The following DNMT1 variants were observed in gnomAD, a reference collection of about 807,000 sequenced individuals.
DNMT1 encodes the protein DNA (cytosine-5)-methyltransferase 1.
Under a neutral mutation model 205.3 loss-of-function variants are expected in DNMT1, and 24 were observed. The ratio of observed to expected loss-of-function variants is 0.12; its 90% CI spans 0.08 to 0.16. DNMT1 has a LOEUF of 0.16. Ranked by LOEUF, DNMT1 falls within the 10% of genes least tolerant of loss-of-function variation. DNMT1 has a pLI of 1.00. For synonymous variants in DNMT1, 817 were observed against 839.8 expected (o/e 0.97, Z 0.47); for missense variants, 1,293 against 2,177.7 (o/e 0.59, Z 8.09).
intron 27 of DNMT1, among the ~76,000 whole-genome samples, chr19:10,148,267 C>T (rs536436713): frequency 4.7e-4 from 71 of 151,296 alleles, no homozygotes; most frequent in African/African-American, 1.1e-3. Flanking sequence ...GAGGCCAAGG[C>T]GGGCAGATCA....
intron 29 of DNMT1, among the ~76,000 whole-genome samples, chr19:10,143,383 T>TA (rs1568225902): frequency 1.2e-4 from 18 of 144,294 alleles, no homozygotes; most frequent in African/African-American, 4.4e-4. Context: ...GCCCAGCTAG[T>TA]CTTTTTTTTT....
Position 10,140,089 on chromosome 19 carries a change from T to A in DNMT1, c.3763A>T (p.Thr1255Ser). 6.2e-7 allele frequency: 1 copy of A among 1,613,462 alleles called. No homozygotes were observed. The highest frequency in any genetic ancestry group is 8.5e-7 in the Non-Finnish European group (1 of 1,180,022). ...AGAGAGTTTTTGAACTTGGAGTAGG[T>A]GCGCGAATTGAAGCGGTTCATGCCG... ...FSGMNRFNSR[T>S]YSKFKNSLVV... The change falls in exon 33 of 41, where the codon ACC (threonine) becomes TCC (serine). Residue 1255 changes from threonine (T) to serine (S), a missense_variant. Thr to Ser is a moderately conservative substitution (Grantham distance 58). Around this residue, in one of 13 missense-constraint regions of DNMT1, gnomAD observed 38 missense variants for 141.1 expected, o/e 0.27. Coordinates refer to ENST00000359526, the MANE Select transcript of DNMT1 (RefSeq NM_001130823.3). The surrounding 1 kb of genome is among the most constrained non-coding windows in gnomAD (Gnocchi z 8.4).
At chr19:10,144,981 G>A (rs2038167864) in intron 28 of DNMT1, among the ~76,000 whole-genome samples, 1 of 152,186 alleles carries the variant, frequency 6.6e-6, no homozygotes, top group African/African-American at 2.4e-5. Context: ...TGACAGGCAT[G>A]AGCCACCGCA....
chr19:10,151,424 T>G lies in DNMT1; in HGVS notation c.2239A>C (p.Ile747Leu). The change falls in exon 24 of 41, where the codon ATC becomes CTC. Residue 747 changes from isoleucine (I) to leucine (L), a missense_variant. This residue lies in a region of DNMT1 where 197 missense variants were observed against 353.6 expected (regional missense o/e 0.56). Transcript: ENST00000359526. This position sits in a 1 kb window ranked among gnomAD's most constrained non-coding sequence, Gnocchi z 5.0. The stretch of plus-strand genomic sequence containing the variant: ...TTGACGGCTTCTCCGACCCAAGAGA[T>G]GCGATTCTTGTTCTGTTTCTTCTTC... ...GKKKKQNKNR[I>L]SWVGEAVKTD... The G allele has an allele frequency of 1.2e-6, 2 of 1,614,002 alleles. No homozygotes were observed. Among genetic ancestry groups the G allele is most frequent in the Non-Finnish European group, 1.7e-6 (2 of 1,180,008 alleles).
Position 10,140,132 on chromosome 19 carries a change from C to T in DNMT1, c.3720G>A (p.Pro1240=), listed in dbSNP as rs1357804192. 1.6e-5 allele frequency: 26 copies of T among 1,613,772 alleles called. No individual in the cohort carries two copies. Among genetic ancestry groups the T allele is most frequent in the Admixed American group, 3.3e-5 (2 of 60,002 alleles). ...KGDVEMLCGG[P]PCQGFSGMNR... ...TCATGCCGCTGAAGCCCTGGCAGGG[C>T]GGCCCGCCGCACAGCATCTCCACGT... Residue 1240 remains proline (P), a synonymous_variant, in exon 33 of 41, where the codon CCG becomes CCA. Transcript: ENST00000359526. This position sits in a 1 kb window ranked among gnomAD's most constrained non-coding sequence, Gnocchi z 8.4.
At chr19:10,187,055 C>G (rs2039199178) in intron 1 of DNMT1, among the ~76,000 whole-genome samples, 1 of 151,724 alleles carries the variant, frequency 6.6e-6, no homozygotes, top group African/African-American at 2.4e-5. Context: ...TGAGACTGGC[C>G]ACATACAGGG....
chr19:10,165,613 A>G (rs1225166624), intron 11 of DNMT1, among the ~76,000 whole-genome samples: 2 of 151,912 alleles, frequency 1.3e-5, no homozygotes, highest in Non-Finnish European at 2.9e-5. Flanking sequence ...GGCTGGTCTC[A>G]GACTCCTGAC....
Position 10,159,969 on chromosome 19 carries a change from A to C in DNMT1, c.1090-47T>G. 3 of 1,614,212 alleles carry C rather than the reference A, an allele frequency of 1.9e-6. No homozygotes were observed. Among genetic ancestry groups the C allele is most frequent in the Non-Finnish European group, 2.5e-6 (3 of 1,180,044 alleles). ...TGATGGCACTCAGAGAGCAGCTCCC[A>C]GCCGCCTCGTGAGCGCCGCCACCGG... On this transcript the variant is annotated intron_variant, in intron 15 of 40. Coordinates refer to ENST00000359526, the MANE Select transcript of DNMT1 (RefSeq NM_001130823.3). The surrounding 1 kb of genome is among the most constrained non-coding windows in gnomAD (Gnocchi z 5.0).
chr19:10,165,231 A>T (rs1220813641), intron 11 of DNMT1, among the ~76,000 whole-genome samples: 1 of 152,094 alleles, frequency 6.6e-6, no homozygotes, highest in Non-Finnish European at 1.5e-5. Context: ...TGATTGCACC[A>T]CTGCATTCCA....
In DNMT1 at chr19:10,146,431, G is replaced by A. The variant is rs529120158; in HGVS notation, c.2814C>T (p.Leu938=). The change falls in exon 28 of 41, where the codon CTC becomes CTT. Residue 938 remains leucine, a synonymous_variant. Transcript: ENST00000359526. This position sits in a 1 kb window ranked among gnomAD's most constrained non-coding sequence, Gnocchi z 4.4. ...TGCCGTTCTTGGTGGCTGAGTAGTAGAGGACCCGGCTATCCAGGTCCTCGA... is the reference window on the plus strand; with the variant it reads ...TGCCGTTCTTGGTGGCTGAGTAGTAAAGGACCCGGCTATCCAGGTCCTCGA... ...EQLEDLDSRV[L]YYSATKNGIL... is the part of the protein sequence containing the mutation. 1.2e-6 allele frequency: 2 copies of A among 1,614,112 alleles called. No homozygotes were observed. The highest frequency in any genetic ancestry group is 2.2e-5 in the East Asian group (1 of 44,858).
intron 14 of DNMT1, 105 bp from the exon 15 acceptor site, chr19:10,160,168 G>A: frequency 6.3e-7 from 1 of 1,589,678 alleles, no homozygotes; most frequent in Non-Finnish European, 8.5e-7. Context: ...GCACAGGGAG[G>A]CACCGGCTGT....
rs1324326054 is a variant in DNMT1, at chr19:10,137,890, A to G, written c.4235T>C (p.Phe1412Ser). The G allele has an allele frequency of 1.2e-6, 2 of 1,613,546 alleles. No individual in the cohort carries two copies. The highest frequency in any genetic ancestry group is 1.1e-5 in the South Asian group (1 of 90,992). The change falls in exon 36 of 41, where the codon TTC becomes TCC. Residue 1412 changes from phenylalanine to serine, a missense_variant. Phe to Ser is a radical substitution (Grantham distance 155). Around this residue, in one of 13 missense-constraint regions of DNMT1, gnomAD observed 148 missense variants for 256.1 expected, o/e 0.58. Coordinates refer to ENST00000359526, the MANE Select transcript of DNMT1 (RefSeq NM_001130823.3). This position sits in a 1 kb window ranked among gnomAD's most constrained non-coding sequence, Gnocchi z 6.4. ...CTGTGCGCCCCGGAGCTGCCTCTGG[A>G]ACCAGGACTGAGGCTCCCCGTTGTA... ...ISYNGEPQSW[F>S]QRQLRGAQYQ...
chr19:10,134,432 T>A (rs1303047568), intron 39 of DNMT1, 125 bp from the exon 40 acceptor site: 1 of 851,762 alleles, frequency 1.2e-6, no homozygotes, highest in Non-Finnish European at 1.8e-6. Context: ...GGGGAAGGGT[T>A]CTGGTCCTGC....
chr19:10,181,543 A>C (rs948641159), intron 2 of DNMT1, among the ~76,000 whole-genome samples: 9 of 151,786 alleles, frequency 5.9e-5, no homozygotes, highest in African/African-American at 2.2e-4. Context: ...AAAAAAAAAA[A>C]AAACCTGGGC....
Position 10,162,608 on chromosome 19 carries a change from C to T in DNMT1, c.1008+59G>A, listed in dbSNP as rs1448428813. On this transcript the variant is annotated intron_variant, in intron 13 of 40. Transcript: ENST00000359526. ...GACCAGCCTGGGCAACATGGCGAAA[C>T]CCCGTCTTGGGGAAAAAAAAAAAAA... The T allele has an allele frequency of 2.6e-6, 4 of 1,532,612 alleles. No homozygotes were observed. In the Admixed American group the frequency reaches 7.7e-5, roughly 30 times the overall value. 94.9% of individuals were successfully genotyped at this position (1,532,612 alleles called of 1,614,324 possible).
At chr19:10,141,315 C>T in intron 30 of DNMT1, 126 bp from the exon 31 acceptor site, 3 of 893,410 alleles carry the variant, frequency 3.4e-6, no homozygotes, top group South Asian at 1.4e-5. Flanking sequence ...ACCAATTAGC[C>T]ACCAATAAGA....
At chr19:10,169,386 C>CAAAAA (rs61170762) in intron 9 of DNMT1, among the ~76,000 whole-genome samples, 3 of 80,940 alleles carry the variant, frequency 3.7e-5, no homozygotes, top group East Asian at 6.6e-4. Context: ...ACTAAAAATA[C>CAAAAA]AAAAAAAAAA....
intron 22 of DNMT1, among the ~76,000 whole-genome samples, chr19:10,152,297 A>G (rs2038364343): frequency 6.6e-6 from 1 of 150,722 alleles, no homozygotes; most frequent in Non-Finnish European, 1.5e-5. Context: ...AGTGAGTCAC[A>G]CAGCCCTTAG....
chr19:10,150,439 C>T (rs2038314042), intron 24 of DNMT1, among the ~76,000 whole-genome samples: 1 of 152,218 alleles, frequency 6.6e-6, no homozygotes, highest in South Asian at 2.1e-4. Context: ...TGACCTTCTC[C>T]ATCTCAGCCC....
Sources: allele counts gnomAD v4.1 joint callset (sites outside exome capture counted in the v4.1 genomes callset), GRCh38; gene constraint gnomAD v4.1.1; regional missense constraint gnomAD v4.1.1; non-coding constraint Gnocchi (gnomAD v3.1); transcripts MANE v1.5; gene names NCBI Gene and HGNC (gene_info 2026-07-23, HGNC 2026-07-21).